GRM7: variants seen among roughly 807,000 people sequenced by gnomAD.
The protein encoded by GRM7 is glutamate metabotropic receptor 7, also known as metabotropic glutamate receptor 7.
A neutral mutation model predicts 84.5 loss-of-function variants in GRM7; 35 were observed. The ratio of observed to expected loss-of-function variants is 0.41; its 90% CI spans 0.32 to 0.55. The LOEUF (loss-of-function observed/expected upper bound fraction) is 0.55. Ranked by LOEUF, GRM7 falls within the 20% of genes least tolerant of loss-of-function variation. The pLI, the probability that GRM7 is intolerant of heterozygous loss-of-function variation, is 0.19. For missense variants in GRM7, 1,003 were observed against 1,194.6 expected (o/e 0.84, Z 2.36); for synonymous variants, 487 against 455.1 (o/e 1.07, Z -0.89).
chr3:7,025,701 G>C (rs1476214687), intron 1 of GRM7, among the ~76,000 whole-genome samples: 3 of 152,086 alleles, frequency 2.0e-5, no homozygotes, highest in African/African-American at 7.2e-5. Flanking sequence ...CGTGTGTCTT[G>C]CTTTACCTAC....
In GRM7 at chr3:6,898,976, C is replaced by G. The variant is rs554165400; in HGVS notation, c.519+37069C>G. On this transcript the variant is annotated intron_variant, in intron 1 of 9. Coordinates refer to ENST00000357716, the MANE Select transcript of GRM7 (RefSeq NM_000844.4). Reference sequence around the variant, plus strand: ...GGCTGGGTTCTTGACTCTTGACTTCCATCAATTTACTTAAATGCTCTAGGT... The same window carrying G: ...GGCTGGGTTCTTGACTCTTGACTTCGATCAATTTACTTAAATGCTCTAGGT... Among the ~76,000 whole-genome samples the G allele has an allele frequency of 3.5e-3, 538 of 152,142 alleles. 1 individual carries two copies. Among genetic ancestry groups the G allele is most frequent in the Admixed American group, 6.9e-3 (105 of 15,268 alleles).
intron 1 of GRM7, among the ~76,000 whole-genome samples, chr3:6,914,593 G>T (rs1374045261): frequency 2.6e-5 from 4 of 151,838 alleles, no homozygotes; most frequent in Non-Finnish European, 5.9e-5. Flanking sequence ...AGTAGAGATG[G>T]GGTTTCACCA....
rs73113772 is a variant in GRM7, at chr3:7,351,149, C to G, written c.1033+44497C>G. 5.8e-3 allele frequency among the ~76,000 whole-genome samples: 877 copies of G among 152,044 alleles called. 7 individuals carry two copies. Among genetic ancestry groups the G allele is most frequent in the African/African-American group, 0.02 (838 of 41,470 alleles). ...CTCTCATAGAAAGAAGTTCTTAATG[C>G]AAACAGGTTCTTTGTTCCCATCAGA... is the stretch of plus-strand genomic sequence containing the variant. On this transcript the variant is annotated intron_variant, in intron 4 of 9. Transcript: ENST00000357716.
At chr3:7,269,453 C>G (rs1043385713) in intron 2 of GRM7, among the ~76,000 whole-genome samples, 74 of 147,284 alleles carry the variant, frequency 5.0e-4, no homozygotes, top group African/African-American at 1.5e-3. Context: ...AACCCCCCCC[C>G]CAGAGAGCAT....
chr3:7,352,609 T>C (rs1298077113), intron 4 of GRM7, among the ~76,000 whole-genome samples: 3 of 152,130 alleles, frequency 2.0e-5, no homozygotes, highest in Non-Finnish European at 4.4e-5. Context: ...GCGTTTCTAC[T>C]GTTAAAGAGA....
intron 4 of GRM7, among the ~76,000 whole-genome samples, chr3:7,322,527 A>T (rs191464756): frequency 1.6e-3 from 239 of 151,940 alleles, no homozygotes; most frequent in African/African-American, 5.5e-3. Context: ...ACTGTACCTA[A>T]TGTGTATTCT....
chr3:7,085,437 T>C (rs547017667), intron 1 of GRM7, among the ~76,000 whole-genome samples: 1 of 152,304 alleles, frequency 6.6e-6, no homozygotes, highest in Non-Finnish European at 1.5e-5. Flanking sequence ...ATTAAGAATG[T>C]AAGTAATGAC....
At chr3:7,027,158 A>C (rs576814425) in intron 1 of GRM7, among the ~76,000 whole-genome samples, 1 of 152,334 alleles carries the variant, frequency 6.6e-6, no homozygotes, top group South Asian at 2.1e-4. Context: ...CTTCACCTCC[A>C]GTCTTTTTCC....
intron 2 of GRM7, among the ~76,000 whole-genome samples, chr3:7,282,662 A>G (rs753269294): frequency 5.3e-5 from 8 of 152,208 alleles, no homozygotes; most frequent in Non-Finnish European, 5.9e-5. Context: ...GCCTACCACA[A>G]ATAGGATCTG....
At chr3:7,147,408 T>C (rs1694145939) in intron 2 of GRM7, among the ~76,000 whole-genome samples, 1 of 151,728 alleles carries the variant, frequency 6.6e-6, no homozygotes. Flanking sequence ...CATACCAATA[T>C]GCATGCTTAG....
intron 1 of GRM7, among the ~76,000 whole-genome samples, chr3:7,134,003 C>T (rs1347218571): frequency 6.6e-6 from 1 of 152,064 alleles, no homozygotes; most frequent in Non-Finnish European, 1.5e-5. Flanking sequence ...TCGTTACATA[C>T]TACACACACA....
chr3:7,439,929 A>C (rs558256693), intron 5 of GRM7, among the ~76,000 whole-genome samples: 2 of 149,796 alleles, frequency 1.3e-5, no homozygotes, highest in East Asian at 2.0e-4. Flanking sequence ...TTAGGGGAAG[A>C]AGTGTTCTCA....
chr3:7,146,744 T>A, intron 2 of GRM7, 76 bp downstream of exon 2: 1 of 971,124 alleles, frequency 1.0e-6, no homozygotes, highest in South Asian at 1.4e-5. Flanking sequence ...CAAACTTCAT[T>A]AAATAAACAC....
At chr3:7,026,376 T>A (rs1439008765) in intron 1 of GRM7, among the ~76,000 whole-genome samples, 1 of 152,230 alleles carries the variant, frequency 6.6e-6, no homozygotes, top group Non-Finnish European at 1.5e-5. Context: ...CAAGGGAGAA[T>A]GACCAAATCC....
chr3:6,962,841 G>A (rs1345344620), intron 1 of GRM7, among the ~76,000 whole-genome samples: 1 of 152,124 alleles, frequency 6.6e-6, no homozygotes, highest in African/African-American at 2.4e-5. Flanking sequence ...GGAGAAAAGT[G>A]GAGATAATTT....
chr3:7,446,469 T>TC (rs1364769720), intron 5 of GRM7, among the ~76,000 whole-genome samples: 2 of 149,508 alleles, frequency 1.3e-5, no homozygotes, highest in African/African-American at 2.5e-5. Context: ...TTTTTGTTTT[T>TC]TTTTTTTTTG....
At chr3:7,039,455 C>A (rs1696511699) in intron 1 of GRM7, among the ~76,000 whole-genome samples, 1 of 152,160 alleles carries the variant, frequency 6.6e-6, no homozygotes, top group Non-Finnish European at 1.5e-5. Flanking sequence ...AGTAACCTTC[C>A]TTATCCTAAG....
intron 1 of GRM7, among the ~76,000 whole-genome samples, chr3:7,005,775 A>T (rs1196860850): frequency 2.0e-5 from 3 of 152,080 alleles, no homozygotes; most frequent in Non-Finnish European, 4.4e-5. Flanking sequence ...ATTGGCTGGC[A>T]CTCTCTCTAT....
At chr3:7,189,204 T>C (rs564389680) in intron 2 of GRM7, among the ~76,000 whole-genome samples, 1 of 152,314 alleles carries the variant, frequency 6.6e-6, no homozygotes, top group African/African-American at 2.4e-5. Context: ...ATATATCCTG[T>C]ATATGCATAC....
Sources: allele counts gnomAD v4.1 joint callset (sites outside exome capture counted in the v4.1 genomes callset), GRCh38; gene constraint gnomAD v4.1.1; transcripts MANE v1.5; gene names NCBI Gene and HGNC (gene_info 2026-07-23, HGNC 2026-07-21).